AK5: variants seen among roughly 807,000 people sequenced by gnomAD.
The protein encoded by AK5 is adenylate kinase isoenzyme 5.
AK5 carries 27 observed loss-of-function variants against 69.5 expected under a neutral mutation model. The observed-to-expected ratio is 0.39, with a 90% CI of 0.29 to 0.54. The LOEUF is 0.54. Among genes scored for constraint, AK5 ranks in the 20% least tolerant of loss-of-function variants. The probability of loss-of-function intolerance (pLI) is 0.71; values close to 1 mark genes in which losing one functional copy is unlikely to be tolerated. For missense variants in AK5, 531 were observed against 700.4 expected (o/e 0.76, Z 2.73); for synonymous variants, 260 against 244.4 (o/e 1.06, Z -0.60).
At chr1:77,437,542 T>A (rs1302284353) in intron 8 of AK5, among the ~76,000 whole-genome samples, 6 of 152,154 alleles carry the variant, frequency 3.9e-5, no homozygotes, top group African/African-American at 1.4e-4. Context: ...AAGCTTTGGG[T>A]AAAGCAGTTT....
At chr1:77,313,092 T>G (rs962096041) in intron 5 of AK5, among the ~76,000 whole-genome samples, 1 of 152,176 alleles carries the variant, frequency 6.6e-6, no homozygotes, top group African/African-American at 2.4e-5. Flanking sequence ...TTTCCACCAT[T>G]TCTGTATTTA....
intron 6 of AK5, among the ~76,000 whole-genome samples, chr1:77,371,629 T>TG (rs987343633): frequency 6.0e-4 from 92 of 152,284 alleles, no homozygotes; most frequent in African/African-American, 2.2e-3. Flanking sequence ...CAGCTGACAC[T>TG]GGAGCAATTT....
intron 12 of AK5, among the ~76,000 whole-genome samples, chr1:77,530,988 C>T (rs1338607833): frequency 6.6e-6 from 1 of 152,066 alleles, no homozygotes; most frequent in Non-Finnish European, 1.5e-5. Flanking sequence ...GCCCTCATGC[C>T]CTGAGGGGTG....
chr1:77,354,718 A>C (rs1229234483), intron 6 of AK5, among the ~76,000 whole-genome samples: 2 of 152,230 alleles, frequency 1.3e-5, no homozygotes, highest in African/African-American at 2.4e-5. Flanking sequence ...ACTGTGGCCT[A>C]GTCTCTAACC....
At chr1:77,490,670 C>G (rs181900844) in intron 10 of AK5, among the ~76,000 whole-genome samples, 68 of 152,144 alleles carry the variant, frequency 4.5e-4, no homozygotes, top group Admixed American at 1.4e-3. Context: ...CTTCTGAAAA[C>G]TGAAAATTAT....
chr1:77,457,221 A>G (rs1291064948), intron 8 of AK5, among the ~76,000 whole-genome samples: 2 of 152,120 alleles, frequency 1.3e-5, no homozygotes, highest in Admixed American at 6.5e-5. Flanking sequence ...CCACTGATGT[A>G]CCTTGGTGCA....
At chr1:77,511,513 G>A (rs1434694275) in intron 10 of AK5, among the ~76,000 whole-genome samples, 4 of 152,216 alleles carry the variant, frequency 2.6e-5, no homozygotes, top group African/African-American at 9.6e-5. Context: ...AATGTTAAGA[G>A]TGAGAGGAAT....
intron 1 of AK5, among the ~76,000 whole-genome samples, chr1:77,285,372 C>T (rs1471760528): frequency 6.6e-6 from 1 of 152,160 alleles, no homozygotes; most frequent in Non-Finnish European, 1.5e-5. Context: ...TGCAATTGAA[C>T]TTGGCTGATG....
intron 5 of AK5, among the ~76,000 whole-genome samples, chr1:77,339,106 G>T (rs1233901421): frequency 1.3e-5 from 2 of 152,274 alleles, no homozygotes; most frequent in Admixed American, 1.3e-4. Context: ...TTTAAAAATT[G>T]TATTTTCATA....
At chr1:77,344,059 G>A (rs1425028070) in intron 6 of AK5, among the ~76,000 whole-genome samples, 2 of 152,166 alleles carry the variant, frequency 1.3e-5, no homozygotes, top group Non-Finnish European at 2.9e-5. Context: ...GGCTGTGTCT[G>A]AATAGTAACA....
chr1:77,403,557 C>T (rs1649395535), intron 6 of AK5, among the ~76,000 whole-genome samples: 2 of 152,318 alleles, frequency 1.3e-5, no homozygotes, highest in Admixed American at 1.3e-4. Flanking sequence ...ATAGGGAATC[C>T]TTTCCCCATT....
At chr1:77,407,811 T>C (rs1442065338) in intron 6 of AK5, among the ~76,000 whole-genome samples, 1 of 151,926 alleles carries the variant, frequency 6.6e-6, no homozygotes, top group Non-Finnish European at 1.5e-5. Context: ...GTCCCCAGAG[T>C]CTGTTGTTCC....
chr1:77,412,276 C>A (rs940075658), intron 7 of AK5, among the ~76,000 whole-genome samples: 1 of 152,148 alleles, frequency 6.6e-6, no homozygotes, highest in Admixed American at 6.5e-5. Context: ...CAATAGGAAA[C>A]CGCCTGAGGA....
chr1:77,287,752 T>C (rs75087301), intron 2 of AK5, among the ~76,000 whole-genome samples: 15,147 of 152,246 alleles, frequency 0.099, 928 homozygotes, highest in East Asian at 0.2. Flanking sequence ...AGGGAAATGA[T>C]GTATAGATAT....
chr1:77,298,586 T>C (rs1184412363), intron 5 of AK5, among the ~76,000 whole-genome samples: 1 of 151,594 alleles, frequency 6.6e-6, no homozygotes, highest in Non-Finnish European at 1.5e-5. Flanking sequence ...GATGGATGGC[T>C]TGAGCCCAGG....
At chr1:77,539,754 T>C (rs1288494783) in intron 13 of AK5, among the ~76,000 whole-genome samples, 1 of 152,210 alleles carries the variant, frequency 6.6e-6, no homozygotes, top group Non-Finnish European at 1.5e-5. Context: ...TAATCTCCCT[T>C]GGTTCCTAAG....
intron 10 of AK5, among the ~76,000 whole-genome samples, chr1:77,497,173 A>G (rs2100747984): frequency 6.6e-6 from 1 of 152,308 alleles, no homozygotes; most frequent in South Asian, 2.1e-4. Flanking sequence ...GGGAGGAACA[A>G]ACAACTCCGG....
At chr1:77,412,502 T>C (rs542568388) in intron 7 of AK5, among the ~76,000 whole-genome samples, 10 of 152,266 alleles carry the variant, frequency 6.6e-5, no homozygotes, top group Admixed American at 5.9e-4. Flanking sequence ...AAGTTTGTTT[T>C]CTCTAAAACA....
At chr1:77,481,369 G>A (rs187257739) in intron 8 of AK5, among the ~76,000 whole-genome samples, 9 of 152,328 alleles carry the variant, frequency 5.9e-5, no homozygotes, top group Non-Finnish European at 8.8e-5. Context: ...AAGTGGTGGA[G>A]AGGCTTGTTG....
Sources: allele counts gnomAD v4.1 joint callset (sites outside exome capture counted in the v4.1 genomes callset), GRCh38; gene constraint gnomAD v4.1.1; transcripts MANE v1.5; gene names NCBI Gene and HGNC (gene_info 2026-07-23, HGNC 2026-07-21).